RANBP2: variants seen among roughly 807,000 people sequenced by gnomAD.
RANBP2 encodes the protein E3 SUMO-protein ligase RanBP2.
RANBP2 carries 57 observed loss-of-function variants against 303.6 expected under a neutral mutation model. The ratio of observed to expected loss-of-function variants is 0.19; its 90% CI spans 0.15 to 0.23. The LOEUF is 0.23. RANBP2 is among the 10% of genes least tolerant of loss of function. The probability of loss-of-function intolerance (pLI) is 1.00; values close to 1 mark genes in which losing one functional copy is unlikely to be tolerated. For missense variants in RANBP2, 3,138 were observed against 3,780.8 expected, an observed-to-expected ratio of 0.83 and a Z score of 4.46; for synonymous variants, 1,167 against 1,301.5, an observed-to-expected ratio of 0.90 and a Z score of 2.23.
chr2:109,455,238 G>A, the RANBP2 span, among the ~76,000 whole-genome samples: 1 of 152,178 alleles, frequency 6.6e-6, no homozygotes, highest in African/African-American at 2.4e-5. Flanking sequence ...GCGGCTGGCA[G>A]GAGACCATGA....
chr2:109,293,255 G>A, the RANBP2 span, among the ~76,000 whole-genome samples: 1 of 152,212 alleles, frequency 6.6e-6, no homozygotes, highest in Non-Finnish European at 1.5e-5. Context: ...GAGGGATGGT[G>A]GAGGGAAAGC....
chr2:108,921,572 A>G, the RANBP2 span, among the ~76,000 whole-genome samples: 135,597 of 152,242 alleles, frequency 0.89, 60,564 homozygotes, highest in East Asian at 0.95. Context: ...TGCTGCCCAG[A>G]GTGGGGCTGC....
At chr2:108,929,100 C>T in the RANBP2 span, 2 of 1,388,588 alleles carry the variant, frequency 1.4e-6, no homozygotes, top group Non-Finnish European at 2.0e-6. Context: ...CCGAGGCCTG[C>T]AGTATCCATG....
chr2:108,890,682 T>A, the RANBP2 span, among the ~76,000 whole-genome samples: 3 of 152,234 alleles, frequency 2.0e-5, no homozygotes, highest in African/African-American at 7.2e-5. Flanking sequence ...TGGAGATCAC[T>A]GAGTCTCCTG....
the RANBP2 span, among the ~76,000 whole-genome samples, chr2:108,851,244 G>C: frequency 1.3e-5 from 2 of 152,118 alleles, no homozygotes; most frequent in African/African-American, 2.4e-5. Flanking sequence ...ATCTCCATAT[G>C]TCCAGCCGTC....
the RANBP2 span, among the ~76,000 whole-genome samples, chr2:108,841,004 TTTTGTTTG>T: frequency 5.8e-3 from 873 of 151,586 alleles, 13 homozygotes; most frequent in African/African-American, 0.016. Context: ...TGTGTGTGTT[TTTTGTTTG>T]TTTGTTTGTT....
At chr2:109,695,648 T>G in the RANBP2 span, among the ~76,000 whole-genome samples, 1 of 152,208 alleles carries the variant, frequency 6.6e-6, no homozygotes. Flanking sequence ...GATTTTTGCT[T>G]CAGCTATCAA....
the RANBP2 span, among the ~76,000 whole-genome samples, chr2:108,832,796 T>C: frequency 0.013 from 2,005 of 152,272 alleles, 64 homozygotes; most frequent in South Asian, 0.082. Context: ...CGAGCTGCCT[T>C]AGTCGTGACG....
the RANBP2 span, among the ~76,000 whole-genome samples, chr2:109,228,890 A>T: frequency 6.6e-6 from 1 of 152,168 alleles, no homozygotes; most frequent in Non-Finnish European, 1.5e-5. Context: ...GGTTATCAAC[A>T]CAATATCCAG....
At chr2:108,875,284 C>T in the RANBP2 span, among the ~76,000 whole-genome samples, 3 of 143,388 alleles carry the variant, frequency 2.1e-5, no homozygotes, top group African/African-American at 8.1e-5. Flanking sequence ...CTAACCTGCA[C>T]AATGTGCACA....
the RANBP2 span, among the ~76,000 whole-genome samples, chr2:109,180,380 A>T: frequency 1.3e-5 from 2 of 152,154 alleles, no homozygotes; most frequent in Admixed American, 1.3e-4. Flanking sequence ...GGCTCAGGGA[A>T]TTACTTCACA....
At chr2:108,986,808 C>T in the RANBP2 span, among the ~76,000 whole-genome samples, 1,003 of 152,254 alleles carry the variant, frequency 6.6e-3, 11 homozygotes, top group African/African-American at 0.022. Context: ...CTGCAATATA[C>T]GAATTCAGTA....
chr2:109,485,434 A>G, the RANBP2 span, among the ~76,000 whole-genome samples: 5 of 152,292 alleles, frequency 3.3e-5, no homozygotes, highest in South Asian at 1.0e-3. Flanking sequence ...ATAACTTTTA[A>G]TTGACCTTTA....
At chr2:108,837,939 A>G in the RANBP2 span, among the ~76,000 whole-genome samples, 3 of 150,512 alleles carry the variant, frequency 2.0e-5, no homozygotes, top group African/African-American at 7.3e-5. Flanking sequence ...TTTTTTTTTT[A>G]AAGACACCAG....
At chr2:108,874,892 T>G in the RANBP2 span, among the ~76,000 whole-genome samples, 3 of 149,094 alleles carry the variant, frequency 2.0e-5, no homozygotes, top group African/African-American at 7.3e-5. Context: ...TTACTTAGAT[T>G]TAATTCTTTT....
the RANBP2 span, among the ~76,000 whole-genome samples, chr2:109,089,011 G>C: frequency 6.6e-6 from 1 of 152,170 alleles, no homozygotes; most frequent in African/African-American, 2.4e-5. Flanking sequence ...AAGCAAGAGG[G>C]GCTTTGGGAG....
the RANBP2 span, among the ~76,000 whole-genome samples, chr2:109,533,289 C>G: frequency 2.6e-5 from 4 of 152,240 alleles, no homozygotes; most frequent in Admixed American, 2.6e-4. Context: ...AGGCTGCGCT[C>G]ACTGCTGACC....
chr2:109,331,951 C>T, the RANBP2 span, among the ~76,000 whole-genome samples: 7 of 152,194 alleles, frequency 4.6e-5, no homozygotes, highest in African/African-American at 9.7e-5. Flanking sequence ...GCCGATCCTC[C>T]GATGGGTCTT....
chr2:109,102,382 G>C, the RANBP2 span, among the ~76,000 whole-genome samples: 1 of 151,026 alleles, frequency 6.6e-6, no homozygotes, highest in African/African-American at 2.4e-5. Flanking sequence ...TTACAGGTGT[G>C]AGCCACCGCG....
Sources: gnomAD v4.1 joint callset for allele counts (sites outside exome capture counted in the v4.1 genomes callset) on GRCh38, gnomAD v4.1.1 for gene constraint, MANE v1.5 for transcripts, NCBI Gene and HGNC (gene_info 2026-07-23, HGNC 2026-07-21) for gene names.